Variants in ITGB2 observed in about 807,000 individuals in gnomAD.
ITGB2 encodes the protein integrin beta-2.
In ITGB2, 56 loss-of-function variants were observed where a neutral mutation model predicts 86.8. The ratio of observed to expected loss-of-function variants is 0.65; its 90% CI spans 0.52 to 0.81. ITGB2 has a LOEUF of 0.81. Ranked by LOEUF, ITGB2 falls within the 30% of genes least tolerant of loss-of-function variation. The probability of loss-of-function intolerance (pLI) is 0.00; values close to 1 mark genes in which losing one functional copy is unlikely to be tolerated. For synonymous variants in ITGB2, 457 were observed against 450.4 expected, an observed-to-expected ratio of 1.01 and a Z score of -0.19; for missense variants, 948 against 1,061.2, an observed-to-expected ratio of 0.89 and a Z score of 1.48.
At chr21:44,923,761 T>A (rs1002414332), upstream of ITGB2, among the ~76,000 whole-genome samples, 3 of 152,188 alleles carry the variant, frequency 2.0e-5, no homozygotes, top group African/African-American at 4.8e-5. Flanking sequence ...TAACTTCAAA[T>A]GGTTAAAATG....
chr21:44,886,557 C>T, intron 15 of ITGB2, 127 bp from the exon 16 acceptor site: 1 of 1,388,068 alleles, frequency 7.2e-7, no homozygotes, highest in Non-Finnish European at 1.0e-6. Context: ...GGCAGCCCCC[C>T]CAGGGTCCCA....
Position 44,894,960 on chromosome 21 carries a change from G to T in ITGB2, c.1083+11C>A, listed in dbSNP as rs375358624. 6.4e-7 allele frequency: 1 copy of T among 1,571,378 alleles called. No individual in the cohort carries two copies. The highest frequency in any genetic ancestry group is 8.8e-7 in the Non-Finnish European group (1 of 1,141,216). On this transcript the variant is annotated intron_variant, in intron 9 of 15. Transcript: ENST00000652462. ...CCCATGGGTCCCAGCTGAGTGGTGCGGGAGACTCACATTGTAAGCATTCTT... is the reference window on the plus strand; with the variant it reads ...CCCATGGGTCCCAGCTGAGTGGTGCTGGAGACTCACATTGTAAGCATTCTT...
intron 9 of ITGB2, chr21:44,893,927 C>CAGAGACAGAGAGATGGAG: frequency 3.0e-6 from 1 of 332,588 alleles, no homozygotes; most frequent in South Asian, 2.4e-5. Flanking sequence ...GAGCCAGAGC[C>CAGAGACAGAGAGATGGAG]AGAGACAGAG....
chr21:44,904,049 GTCTGTTTACCTGTCACCGCA>G, intron 4 of ITGB2, among the ~76,000 whole-genome samples: 1 of 152,156 alleles, frequency 6.6e-6, no homozygotes, highest in Non-Finnish European at 1.5e-5. Context: ...TTGTGTAGCT[GTCTGTTTACCTGTCACCGCA>G]ACCAGCCTGT....
chr21:44,890,566 C>A (rs967843402), intron 11 of ITGB2, among the ~76,000 whole-genome samples: 1 of 152,196 alleles, frequency 6.6e-6, no homozygotes, highest in Non-Finnish European at 1.5e-5. Context: ...CTCCTGCGTG[C>A]CCCACATGGT....
chr21:44,925,137 CTT>C (rs71334038), upstream of ITGB2, among the ~76,000 whole-genome samples: 19 of 144,940 alleles, frequency 1.3e-4, no homozygotes, highest in African/African-American at 2.8e-4. Flanking sequence ...TAGTTTATAT[CTT>C]TTTTTTTTTT....
At chr21:44,910,833 G>T in intron 1 of ITGB2, 48 bp from the exon 2 acceptor site, 1 of 1,580,448 alleles carries the variant, frequency 6.3e-7, no homozygotes, top group Admixed American at 1.8e-5. Context: ...CAACCCCTGG[G>T]GCTGACCACC....
At chr21:44,907,128 C>A (rs957292240) in intron 3 of ITGB2, 33 bp from the exon 4 acceptor site, 2 of 1,527,162 alleles carry the variant, frequency 1.3e-6, no homozygotes, top group Non-Finnish European at 1.8e-6. Flanking sequence ...CAGGAGGGGG[C>A]CACACTGCGG....
At chr21:44,895,819 C>T (rs2083856216) in intron 8 of ITGB2, among the ~76,000 whole-genome samples, 1 of 134,876 alleles carries the variant, frequency 7.4e-6, no homozygotes, top group South Asian at 2.3e-4. Flanking sequence ...GCAACAAGAG[C>T]AAAACTCTGT....
At chr21:44,915,753 A>C (rs188316038) in intron 1 of ITGB2, among the ~76,000 whole-genome samples, 8 of 152,304 alleles carry the variant, frequency 5.3e-5, no homozygotes, top group African/African-American at 1.9e-4. Flanking sequence ...CCAGGGACAA[A>C]AACAGGTCAG....
intron 3 of ITGB2, 121 bp downstream of exon 3, chr21:44,910,163 T>C: frequency 1.5e-6 from 2 of 1,351,344 alleles, no homozygotes; most frequent in Non-Finnish European, 2.0e-6. Context: ...GGCCAGGGTC[T>C]GGGGACCCCC....
chr21:44,910,437 T>A (rs763860376), intron 2 of ITGB2, 65 bp from the exon 3 acceptor site: 1 of 1,609,522 alleles, frequency 6.2e-7, no homozygotes, highest in East Asian at 2.2e-5. Context: ...CAAGGGGGAG[T>A]AGAGCAGGAA....
chr21:44,900,221 G>T (rs1643357599), intron 7 of ITGB2, 99 bp downstream of exon 7: 1 of 1,482,134 alleles, frequency 6.7e-7, no homozygotes, highest in Non-Finnish European at 9.4e-7. Context: ...CTGCTCCTTG[G>T]GTCAGAAGGA....
intron 10 of ITGB2, 45 bp from the exon 11 acceptor site, chr21:44,892,041 G>T: frequency 6.3e-7 from 1 of 1,588,584 alleles, no homozygotes; most frequent in Non-Finnish European, 8.6e-7. Flanking sequence ...CGGTGGCCAG[G>T]GTGGCAGCCC....
intron 12 of ITGB2, 66 bp downstream of exon 12, chr21:44,889,912 C>T (rs112883974): frequency 6.7e-5 from 107 of 1,599,406 alleles, no homozygotes; most frequent in African/African-American, 2.3e-4. Context: ...TGGTCCAGAA[C>T]GCACCCCCCA....
At chr21:44,913,289 C>G (rs553390345) in intron 1 of ITGB2, among the ~76,000 whole-genome samples, 1 of 152,268 alleles carries the variant, frequency 6.6e-6, no homozygotes, top group East Asian at 1.9e-4. Flanking sequence ...CATGAGGTCT[C>G]CGCCCCTAAC....
At chr21:44,910,168 A>G in intron 3 of ITGB2, 116 bp downstream of exon 3, 1 of 1,373,384 alleles carries the variant, frequency 7.3e-7, no homozygotes, top group Non-Finnish European at 9.9e-7. Flanking sequence ...GGGTCTGGGG[A>G]CCCCCTCAAA....
Position 44,890,033 on chromosome 21 carries a change from G to T in ITGB2, c.1602C>A (p.Cys534Ter), listed in dbSNP as rs748574145. ...VPGKLIYGQY[C>*]ECDTINCERY... ...GCTCACAGTTGATGGTGTCACACTCGCAGTACTGCCCGTATATCAGCTTGC... is the reference window on the plus strand; with the variant it reads ...GCTCACAGTTGATGGTGTCACACTCTCAGTACTGCCCGTATATCAGCTTGC... The change falls in exon 12 of 16, where the codon TGC (cysteine) becomes TGA (stop). Residue 534 changes from cysteine (C) to a stop codon, truncating the protein, a stop_gained. Transcript: ENST00000652462. LOFTEE classifies it high-confidence loss of function. 8 of 1,613,360 alleles carry T rather than the reference G, an allele frequency of 5.0e-6. No homozygotes were observed. The Admixed American group carries it at 1.2e-4, about 24-fold the overall frequency.
intron 1 of ITGB2, among the ~76,000 whole-genome samples, chr21:44,917,552 G>A (rs1171502396): frequency 6.6e-6 from 1 of 152,200 alleles, no homozygotes; most frequent in African/African-American, 2.4e-5. Flanking sequence ...GCTGCTTCAT[G>A]GCAGTGGGAC....
Sources: allele counts gnomAD v4.1 joint callset (sites outside exome capture counted in the v4.1 genomes callset), GRCh38; gene constraint gnomAD v4.1.1; transcripts MANE v1.5; gene names NCBI Gene and HGNC (gene_info 2026-07-23, HGNC 2026-07-21).